The following KCNMB4 variants were observed in gnomAD, a reference collection of about 807,000 sequenced individuals.
The protein encoded by KCNMB4 is potassium calcium-activated channel subfamily M regulatory beta subunit 4.
In KCNMB4, 3 loss-of-function variants were observed where a neutral mutation model predicts 20.7. That is an observed-to-expected ratio of 0.14 (90% confidence interval 0.07 to 0.37). KCNMB4 has a LOEUF of 0.37. KCNMB4 is among the 10% of genes least tolerant of loss of function. KCNMB4 has a pLI of 1.00. For synonymous variants in KCNMB4, 110 were observed against 113.4 expected (o/e 0.97, Z 0.19); for missense variants, 168 against 265.9 (o/e 0.63, Z 2.56).
intron 1 of KCNMB4, among the ~76,000 whole-genome samples, chr12:70,376,871 C>CA (rs57274414): frequency 2.3e-3 from 287 of 126,880 alleles, no homozygotes; most frequent in Non-Finnish European, 2.9e-3. Flanking sequence ...GACCTTGTCT[C>CA]AAAAAAAAAA....
In KCNMB4 at chr12:70,426,184, C is replaced by T. The variant is rs1016800555; in HGVS notation, c.465-4301C>T. The stretch of plus-strand genomic sequence containing the variant: ...TGGCAGGCGCCTGTAGTCCCAGCTA[C>T]CCAGGAGGCTGAGGCAGGAGAATCG... On this transcript the variant is annotated intron_variant, in intron 2 of 2. Transcript: ENST00000258111. Among the ~76,000 whole-genome samples the T allele has an allele frequency of 3.4e-4, 52 of 151,882 alleles. 1 individual carries two copies. The highest frequency in any genetic ancestry group is 1.2e-4 in the Non-Finnish European group (8 of 67,990).
In KCNMB4 at chr12:70,430,540, T is replaced by G; in HGVS notation, c.520T>G (p.Phe174Val). Reference sequence around the variant, plus strand: ...TGATGAGATTGTCCTCCTGCATTGCTTCCTCTGGCCCCTGGTGACATTTGT... The same window carrying G: ...TGATGAGATTGTCCTCCTGCATTGCGTCCTCTGGCCCCTGGTGACATTTGT... ...THDEIVLLHC[F>V]LWPLVTFVVG... The change falls in exon 3 of 3, where the codon TTC becomes GTC. Residue 174 changes from phenylalanine (F) to valine (V), a missense_variant. Coordinates refer to ENST00000258111, the MANE Select transcript of KCNMB4 (RefSeq NM_014505.6). 1 of 1,613,640 alleles carries G rather than the reference T, an allele frequency of 6.2e-7. No homozygotes were observed. The highest frequency in any genetic ancestry group is 8.5e-7 in the Non-Finnish European group (1 of 1,179,844).
At chr12:70,411,210 T>C (rs1014369591) in intron 2 of KCNMB4, among the ~76,000 whole-genome samples, 1 of 152,176 alleles carries the variant, frequency 6.6e-6, no homozygotes, top group Non-Finnish European at 1.5e-5. Flanking sequence ...CTTAAGATGC[T>C]AGATAAAATC....
At chr12:70,388,108 T>C (rs1868271854) in intron 1 of KCNMB4, among the ~76,000 whole-genome samples, 2 of 152,120 alleles carry the variant, frequency 1.3e-5, no homozygotes, top group Non-Finnish European at 2.9e-5. Context: ...TTATTTCACT[T>C]AACTTAATGA....
chr12:70,400,395 A>C lies in KCNMB4; in HGVS notation c.464+59A>C, dbSNP rs1868419592. On this transcript the variant is annotated intron_variant, in intron 2 of 2. Coordinates refer to ENST00000258111, the MANE Select transcript of KCNMB4 (RefSeq NM_014505.6). ...GTTTGTAGACTCTGCAGCTTATTAC[A>C]CTGTTATATCGTAGATTATGCCCAC... The C allele has an allele frequency of 3.9e-6, 6 of 1,536,346 alleles. No individual in the cohort carries two copies. The East Asian group carries it at 1.4e-4, about 35-fold the overall frequency.
intron 1 of KCNMB4, among the ~76,000 whole-genome samples, chr12:70,372,313 G>T (rs1883610427): frequency 6.6e-6 from 1 of 152,170 alleles, no homozygotes; most frequent in South Asian, 2.1e-4. Context: ...AATATCATCA[G>T]ACTTAGACTT....
chr12:70,388,330 T>C (rs1456496907), intron 1 of KCNMB4, among the ~76,000 whole-genome samples: 1 of 152,218 alleles, frequency 6.6e-6, no homozygotes, highest in Non-Finnish European at 1.5e-5. Flanking sequence ...TCTTTTCTTT[T>C]GGGTATATAC....
At chr12:70,371,496 C>T (rs760709513) in intron 1 of KCNMB4, among the ~76,000 whole-genome samples, 11 of 152,256 alleles carry the variant, frequency 7.2e-5, no homozygotes, top group South Asian at 4.2e-4. Flanking sequence ...ATACATTTTG[C>T]GCTCTAGAGA....
chr12:70,369,524 C>T (rs1428200052), intron 1 of KCNMB4, among the ~76,000 whole-genome samples: 9 of 152,176 alleles, frequency 5.9e-5, no homozygotes, highest in Admixed American at 5.9e-4. Context: ...CCAACAGTGT[C>T]TTGAATCCCA....
intron 2 of KCNMB4, among the ~76,000 whole-genome samples, chr12:70,417,592 A>C (rs1447982262): frequency 6.6e-6 from 1 of 152,238 alleles, no homozygotes; most frequent in African/African-American, 2.4e-5. Flanking sequence ...CACAGTCTGT[A>C]AAAACACAAG....
At chr12:70,419,617 G>A (rs528375513) in intron 2 of KCNMB4, among the ~76,000 whole-genome samples, 1 of 152,250 alleles carries the variant, frequency 6.6e-6, no homozygotes, top group Admixed American at 6.5e-5. Flanking sequence ...GTCAAACATG[G>A]TGTGGCATAG....
At chr12:70,385,197 G>C (rs1868248190) in intron 1 of KCNMB4, among the ~76,000 whole-genome samples, 1 of 152,112 alleles carries the variant, frequency 6.6e-6, no homozygotes. Flanking sequence ...TGTTTATTGG[G>C]TATCTGCCAT....
chr12:70,394,859 A>G (rs1868337518), intron 1 of KCNMB4, among the ~76,000 whole-genome samples: 1 of 152,012 alleles, frequency 6.6e-6, no homozygotes, highest in East Asian at 1.9e-4. Flanking sequence ...TAAAGATGAG[A>G]TCTCACTTTG....
chr12:70,366,758 C>T lies in KCNMB4; in HGVS notation c.24C>T (p.Tyr8=), dbSNP rs370331603. 5.6e-6 allele frequency: 9 copies of T among 1,606,188 alleles called. No homozygotes were observed. In the African/African-American group the frequency reaches 6.7e-5, roughly 12 times the overall value. MAKLRVA[Y]EYTEAEDKSI... ...CGATGGCGAAGCTCCGGGTGGCTTA[C>T]GAGTACACGGAAGCCGAGGACAAGA... Residue 8 remains tyrosine (Y), a synonymous_variant, in exon 1 of 3, where the codon TAC becomes TAT. Transcript: ENST00000258111.
At chr12:70,406,583 C>T (rs933419898) in intron 2 of KCNMB4, among the ~76,000 whole-genome samples, 3 of 152,184 alleles carry the variant, frequency 2.0e-5, no homozygotes, top group African/African-American at 7.2e-5. Flanking sequence ...GAATCAGGTG[C>T]TTCCTTGAAG....
chr12:70,430,123 C>A (rs1297931140), intron 2 of KCNMB4, among the ~76,000 whole-genome samples: 2 of 151,804 alleles, frequency 1.3e-5, no homozygotes, highest in Non-Finnish European at 2.9e-5. Context: ...GAATGCTCAC[C>A]CATCAGTAAT....
intron 1 of KCNMB4, 89 bp downstream of exon 1, chr12:70,367,159 G>C (rs1883509991): frequency 2.8e-6 from 3 of 1,074,260 alleles, no homozygotes; most frequent in Non-Finnish European, 2.6e-6. Context: ...AGGGTTCGGC[G>C]TGTGCTCGCA....
Position 70,390,286 on chromosome 12 carries a change from A to G in KCNMB4, c.337-9923A>G, listed in dbSNP as rs988735841. 3.9e-5 allele frequency among the ~76,000 whole-genome samples: 6 copies of G among 152,270 alleles called. No individual in the cohort carries two copies. In the East Asian group the frequency reaches 9.7e-4, roughly 25 times the overall value. On this transcript the variant is annotated intron_variant, in intron 1 of 2. Coordinates refer to ENST00000258111, the MANE Select transcript of KCNMB4 (RefSeq NM_014505.6). ...AGAAGGTGCCTTGGGAGTGTGAGCC[A>G]TTTGCTTCTGAAATTTATTTGCCAA...
intron 1 of KCNMB4, among the ~76,000 whole-genome samples, chr12:70,398,801 C>T (rs1487781231): frequency 1.3e-5 from 2 of 152,106 alleles, no homozygotes; most frequent in African/African-American, 2.4e-5. Context: ...GTTCTCACCT[C>T]GCCAGCAAAT....
Sources: gnomAD v4.1 joint callset for allele counts (sites outside exome capture counted in the v4.1 genomes callset) on GRCh38, gnomAD v4.1.1 for gene constraint, MANE v1.5 for transcripts, NCBI Gene and HGNC (gene_info 2026-07-23, HGNC 2026-07-21) for gene names.